IRX1: variants seen among roughly 807,000 people sequenced by gnomAD.
IRX1 encodes iroquois-class homeodomain protein IRX-1.
In IRX1, 22 loss-of-function variants were observed where a neutral mutation model predicts 34.1. The observed-to-expected ratio is 0.64, with a 90% CI of 0.46 to 0.92. The LOEUF is 0.92. Ranked by LOEUF, IRX1 falls within the 40% of genes least tolerant of loss-of-function variation. The probability of loss-of-function intolerance (pLI) is 0.00; values close to 1 mark genes in which losing one functional copy is unlikely to be tolerated. For synonymous variants in IRX1, 363 were observed against 319.0 expected, an observed-to-expected ratio of 1.14 and a Z score of -1.47; for missense variants, 758 against 680.0, an observed-to-expected ratio of 1.11 and a Z score of -1.28.
chr5:3,600,254 C>A lies in IRX1; in HGVS notation c.1306C>A (p.Leu436Ile). Residue 436 changes from leucine to isoleucine, a missense_variant, in exon 2 of 4, where the codon CTC becomes ATC. By Grantham distance (5) the Leu-to-Ile change is conservative. This residue lies in a region of IRX1 where 529 missense variants were observed against 418.8 expected (regional missense o/e 1.26). Coordinates refer to ENST00000302006, the MANE Select transcript of IRX1 (RefSeq NM_024337.4). ...GGCCTCGGTCCGCAGCAGCCCCACG[C>A]TCCCAGGTACAGCTCCAGGCCGCGT... Reference protein sequence around the residue: ...DKASVRSSPTLPERDLVPRPD... With the variant: ...DKASVRSSPTIPERDLVPRPD... 1 of 1,587,634 alleles carries A rather than the reference C, an allele frequency of 6.3e-7. No homozygotes were observed. The highest frequency in any genetic ancestry group is 1.1e-5 in the South Asian group (1 of 88,258).
intron 1 of IRX1, among the ~76,000 whole-genome samples, chr5:3,596,802 C>T (rs1262734807): frequency 6.6e-6 from 1 of 152,118 alleles, no homozygotes; most frequent in Non-Finnish European, 1.5e-5. Context: ...GGGTTCCACT[C>T]GCGCGGCCTC....
intron 1 of IRX1, among the ~76,000 whole-genome samples, chr5:3,596,715 C>T (rs1348735144): frequency 6.6e-6 from 1 of 152,082 alleles, no homozygotes; most frequent in African/African-American, 2.4e-5. Context: ...CTGGCTCGGC[C>T]AGGGCGCCCG....
In IRX1 at chr5:3,599,310, G is replaced by T. The variant is rs769008935; in HGVS notation, c.362G>T (p.Gly121Val). The T allele has an allele frequency of 1.2e-6, 2 of 1,613,886 alleles. No homozygotes were observed. Among genetic ancestry groups the T allele is most frequent in the African/African-American group, 1.3e-5 (1 of 74,898 alleles). Reference protein sequence around the residue: ...AHTAPAYYPYGQFQYGDPGRP... With the variant: ...AHTAPAYYPYVQFQYGDPGRP... ...ACGGCGCCGGCTTATTACCCCTACG[G>T]CCAGTTCCAATACGGGGACCCCGGG... The change falls in exon 2 of 4, where the codon GGC becomes GTC. Residue 121 changes from glycine to valine, a missense_variant. Transcript: ENST00000302006. The surrounding 1 kb of genome is among the most constrained non-coding windows in gnomAD (Gnocchi z 6.6).
chr5:3,601,046 G>T lies in IRX1; in HGVS notation c.*6G>T. 6.2e-7 allele frequency: 1 copy of T among 1,600,532 alleles called. No individual in the cohort carries two copies. Among genetic ancestry groups the T allele is most frequent in the South Asian group, 1.1e-5 (1 of 90,672 alleles). Reference sequence around the variant, plus strand: ...CAGCCCTCCCGTCCGCCTGATTAAGGGTCTTCTTTTACTTTTGCGGGGGGG... The same window carrying T: ...CAGCCCTCCCGTCCGCCTGATTAAGTGTCTTCTTTTACTTTTGCGGGGGGG... On this transcript the variant is annotated 3_prime_UTR_variant, in exon 4 of 4. Coordinates refer to ENST00000302006, the MANE Select transcript of IRX1 (RefSeq NM_024337.4).
In IRX1 at chr5:3,599,739, A is replaced by G; in HGVS notation, c.791A>G (p.Asp264Gly). The G allele has an allele frequency of 6.2e-7, 1 of 1,611,560 alleles. No individual in the cohort carries two copies. The highest frequency in any genetic ancestry group is 8.5e-7 in the Non-Finnish European group (1 of 1,179,584). ...GCAGCCCCTTCTGCTCTTGCCCGGG[A>G]CCAAGGCTCGCCGCTGGCAGCAGCC... ...APAAPSALAR[D>G]QGSPLAAADV... The change falls in exon 2 of 4, where the codon GAC becomes GGC. Residue 264 changes from aspartate to glycine, a missense_variant. This residue lies in a region of IRX1 where 529 missense variants were observed against 418.8 expected (regional missense o/e 1.26). Transcript: ENST00000302006. This position sits in a 1 kb window ranked among gnomAD's most constrained non-coding sequence, Gnocchi z 6.6.
At position 3,596,201 on chromosome 5, in the gene IRX1, T is replaced by TGCGGCGGCTGCCGCC; in HGVS notation, c.99_113dup (p.Ala34_Ala38dup). 1 of 1,039,792 alleles carries TGCGGCGGCTGCCGCC rather than the reference T, an allele frequency of 9.6e-7. No individual in the cohort carries two copies. Among genetic ancestry groups the TGCGGCGGCTGCCGCC allele is most frequent in the Non-Finnish European group, 1.2e-6 (1 of 867,658 alleles). 64.4% of individuals were successfully genotyped at this position (1,039,792 alleles called of 1,614,324 possible). A position where few individuals can be genotyped will look rare whatever the true frequency, so the allele number is the denominator to read the frequency against. On this transcript the variant is annotated inframe_insertion, in exon 1 of 4. Transcript: ENST00000302006. ...GCCCGGGGGTGCTGGCCGCGGCCGC[T>TGCGGCGGCTGCCGCC]GCGGCGGCTGCCGCCGCCTCGTCGG...
chr5:3,597,240 G>A (rs1733804991), intron 1 of IRX1, among the ~76,000 whole-genome samples: 3 of 152,208 alleles, frequency 2.0e-5, no homozygotes. Context: ...ATTCTCCGCG[G>A]GGGCATTGGC....
Position 3,600,144 on chromosome 5 carries a change from C to A in IRX1, c.1196C>A (p.Ala399Asp). Residue 399 changes from alanine to aspartate, a missense_variant, in exon 2 of 4, where the codon GCC (alanine) becomes GAC (aspartate). Coordinates refer to ENST00000302006, the MANE Select transcript of IRX1 (RefSeq NM_024337.4). Reference protein sequence around the residue: ...RSFLGVGAPHAAPHGPHLPAP... With the variant: ...RSFLGVGAPHDAPHGPHLPAP... ...TTCCTGGGCGTTGGCGCTCCCCACG[C>A]CGCGCCCCATGGCCCTCACCTTCCT... The A allele has an allele frequency of 6.2e-7, 1 of 1,613,182 alleles. No homozygotes were observed. The highest frequency in any genetic ancestry group is 8.5e-7 in the Non-Finnish European group (1 of 1,179,894).
At position 3,600,142 on chromosome 5, in the gene IRX1, C is replaced by G. The variant is rs777445644; in HGVS notation, c.1194C>G (p.His398Gln). Residue 398 changes from histidine (H) to glutamine (Q), a missense_variant, in exon 2 of 4, where the codon CAC becomes CAG. His to Gln is a conservative substitution (Grantham distance 24). Around this residue, in one of 3 missense-constraint regions of IRX1, gnomAD observed 529 missense variants for 418.8 expected, o/e 1.26. Transcript: ENST00000302006. ...MRSFLGVGAP[H>Q]AAPHGPHLPA... ...CCTTCCTGGGCGTTGGCGCTCCCCA[C>G]GCCGCGCCCCATGGCCCTCACCTTC... 6 of 1,613,192 alleles carry G rather than the reference C, an allele frequency of 3.7e-6. No individual in the cohort carries two copies. The East Asian group carries it at 1.3e-4, about 36-fold the overall frequency.
Position 3,600,703 on chromosome 5 carries a change from T to C in IRX1, c.1385+22T>C, listed in dbSNP as rs201161998. 44 of 1,607,864 alleles carry C rather than the reference T, an allele frequency of 2.7e-5. No individual in the cohort carries two copies. In the East Asian group the frequency reaches 9.2e-4, roughly 33 times the overall value. On this transcript the variant is annotated intron_variant, in intron 3 of 3. Coordinates refer to ENST00000302006, the MANE Select transcript of IRX1 (RefSeq NM_024337.4). Reference sequence around the variant, plus strand: ...ACAAGTGAGTGCTGTTTGCTTTTGCTATGGGAGAAGGCGGTGGGGAGGGGG... The same window carrying C: ...ACAAGTGAGTGCTGTTTGCTTTTGCCATGGGAGAAGGCGGTGGGGAGGGGG...
rs1743697015 is a variant in IRX1, at chr5:3,596,397, C to T, written c.276+16C>T. On this transcript the variant is annotated intron_variant, in intron 1 of 3. Coordinates refer to ENST00000302006, the MANE Select transcript of IRX1 (RefSeq NM_024337.4). ...CTCGCAGATGGTGAGTGCGCCCGGC[C>T]TCCCCCGCTTCTCCTCTGTCTCACC... The T allele has an allele frequency of 2.0e-6, 3 of 1,498,244 alleles. No individual in the cohort carries two copies. The highest frequency in any genetic ancestry group is 2.7e-6 in the Non-Finnish European group (3 of 1,124,460). 92.8% of individuals were successfully genotyped at this position (1,498,244 alleles called of 1,614,324 possible). A position where few individuals can be genotyped will look rare whatever the true frequency, so the allele number is the denominator to read the frequency against.
chr5:3,600,103 G>C lies in IRX1; in HGVS notation c.1155G>C (p.Leu385=), dbSNP rs1733920782. 1.2e-6 allele frequency: 2 copies of C among 1,613,348 alleles called. No individual in the cohort carries two copies. The highest frequency in any genetic ancestry group is 1.3e-5 in the African/African-American group (1 of 75,064). Residue 385 remains leucine (L), a synonymous_variant, in exon 2 of 4, where the codon CTG becomes CTC. Transcript: ENST00000302006. ...GCGCATTCCTCGCACAGGGCTCCCT[G>C]CTCAACATGCGCTCCTTCCTGGGCG... ...TNSAFLAQGS[L]LNMRSFLGVG...
In IRX1 at chr5:3,599,710, G is replaced by A. The variant is rs755256764; in HGVS notation, c.762G>A (p.Ala254=). The stretch of plus-strand genomic sequence containing the variant: ...AGGACAAGGCCGAGGCTCCGCACGC[G>A]CCCGCAGCCCCTTCTGCTCTTGCCC... ...DDEDKAEAPH[A]PAAPSALARD... The change falls in exon 2 of 4, where the codon GCG becomes GCA. Residue 254 remains alanine, a synonymous_variant. Coordinates refer to ENST00000302006, the MANE Select transcript of IRX1 (RefSeq NM_024337.4). This position sits in a 1 kb window ranked among gnomAD's most constrained non-coding sequence, Gnocchi z 6.6. 6.2e-7 allele frequency: 1 copy of A among 1,612,542 alleles called. No individual in the cohort carries two copies. Among genetic ancestry groups the A allele is most frequent in the African/African-American group, 1.3e-5 (1 of 74,868 alleles).
In IRX1 at chr5:3,596,140, T is replaced by G; in HGVS notation, c.35T>G (p.Leu12Arg). ...SFPQLGYPQY[L>R]SAAGPGAYGG... ...CCGCAGCTGGGCTACCCGCAGTACCTGAGCGCCGCGGGGCCGGGCGCCTAC... is the reference window on the plus strand; with the variant it reads ...CCGCAGCTGGGCTACCCGCAGTACCGGAGCGCCGCGGGGCCGGGCGCCTAC... Residue 12 changes from leucine (L) to arginine (R), a missense_variant, in exon 1 of 4, where the codon CTG (leucine) becomes CGG (arginine). This residue lies in a region of IRX1 where 195 missense variants were observed against 195.0 expected (regional missense o/e 1.00). Coordinates refer to ENST00000302006, the MANE Select transcript of IRX1 (RefSeq NM_024337.4). 9.7e-7 allele frequency: 1 copy of G among 1,034,394 alleles called. No homozygotes were observed. The allele number at this position is 1,034,394 out of a possible 1,614,324, so 64.1% of individuals were successfully genotyped here.
intron 1 of IRX1, among the ~76,000 whole-genome samples, chr5:3,597,120 C>T (rs749199508): frequency 5.3e-5 from 8 of 152,204 alleles, no homozygotes; most frequent in Non-Finnish European, 1.2e-4. Flanking sequence ...TCCTGCGTTA[C>T]ATAATGGAGG....
In IRX1 at chr5:3,599,755, G is replaced by A. The variant is rs1372143295; in HGVS notation, c.807G>A (p.Leu269=). The A allele has an allele frequency of 3.1e-6, 5 of 1,610,060 alleles. No individual in the cohort carries two copies. Among genetic ancestry groups the A allele is most frequent in the Non-Finnish European group, 3.4e-6 (4 of 1,179,156 alleles). Residue 269 remains leucine, a synonymous_variant, in exon 2 of 4, where the codon CTG becomes CTA. Transcript: ENST00000302006. This position sits in a 1 kb window ranked among gnomAD's most constrained non-coding sequence, Gnocchi z 6.6. ...TTGCCCGGGACCAAGGCTCGCCGCTGGCAGCAGCCGACGTTCTCAAGCCCC... is the reference window on the plus strand; with the variant it reads ...TTGCCCGGGACCAAGGCTCGCCGCTAGCAGCAGCCGACGTTCTCAAGCCCC... ...SALARDQGSP[L]AAADVLKPQD... is the part of the protein sequence containing the mutation.
chr5:3,599,462 A>C lies in IRX1; in HGVS notation c.514A>C (p.Thr172Pro). The C allele has an allele frequency of 6.2e-7, 1 of 1,614,002 alleles. No individual in the cohort carries two copies. The highest frequency in any genetic ancestry group is 8.5e-7 in the Non-Finnish European group (1 of 1,180,018). ...GGCCATCATCACCAAGATGACCCTC[A>C]CGCAGGTCTCCACCTGGTTCGCCAA... ...MLAIITKMTL[T>P]QVSTWFANAR... Residue 172 changes from threonine to proline, a missense_variant, in exon 2 of 4, where the codon ACG (threonine) becomes CCG (proline). Transcript: ENST00000302006. This position sits in a 1 kb window ranked among gnomAD's most constrained non-coding sequence, Gnocchi z 6.6.
At chr5:3,598,424 A>G (rs922531799) in intron 1 of IRX1, among the ~76,000 whole-genome samples, 1 of 152,206 alleles carries the variant, frequency 6.6e-6, no homozygotes, top group Admixed American at 6.5e-5. Context: ...AACTGAGAAG[A>G]GGCCTAGGAT....
rs1301376496 is a variant in IRX1, at chr5:3,596,366, C to CCTCTT, written c.265_269dup (p.Gln91SerfsTer10). On this transcript the variant is annotated frameshift_variant, in exon 1 of 4. Coordinates refer to ENST00000302006, the MANE Select transcript of IRX1 (RefSeq NM_024337.4). LOFTEE classifies it high-confidence loss of function. The stretch of plus-strand genomic sequence containing the variant: ...TCCTGCCCTACGCCGCGGATCTCAG[C>CCTCTT]CTCTTCTCGCAGATGGTGAGTGCGC... 1 of 1,539,030 alleles carries CCTCTT rather than the reference C, an allele frequency of 6.5e-7. No individual in the cohort carries two copies. The highest frequency in any genetic ancestry group is 1.4e-5 in the African/African-American group (1 of 70,194).
Sources: allele counts gnomAD v4.1 joint callset (sites outside exome capture counted in the v4.1 genomes callset), GRCh38; gene constraint gnomAD v4.1.1; regional missense constraint gnomAD v4.1.1; non-coding constraint Gnocchi (gnomAD v3.1); transcripts MANE v1.5; gene names NCBI Gene and HGNC (gene_info 2026-07-23, HGNC 2026-07-21).